The following HTR4 variants were observed in gnomAD, a reference collection of about 807,000 sequenced individuals.
The protein encoded by HTR4 is 5-hydroxytryptamine receptor 4.
In HTR4, 16 loss-of-function variants were observed where a neutral mutation model predicts 36.8. That is an observed-to-expected ratio of 0.43 (90% CI 0.29 to 0.66). The LOEUF is 0.66. Among genes scored for constraint, HTR4 ranks in the 30% least tolerant of loss-of-function variants. The pLI is 0.13. For missense variants in HTR4, 438 were observed against 490.9 expected (o/e 0.89, Z 1.02); for synonymous variants, 189 against 185.1 (o/e 1.02, Z -0.17).
intron 2 of HTR4, among the ~76,000 whole-genome samples, chr5:148,607,037 C>G (rs1007960295): frequency 1.3e-5 from 2 of 152,178 alleles, no homozygotes; most frequent in Non-Finnish European, 2.9e-5. Context: ...AAACCTTAAT[C>G]ATAATGGTGG....
intron 2 of HTR4, among the ~76,000 whole-genome samples, chr5:148,609,208 T>C (rs1023966150): frequency 5.9e-5 from 9 of 152,248 alleles, no homozygotes; most frequent in African/African-American, 2.2e-4. Context: ...ACAGCTAACC[T>C]ATTCTGAGAG....
chr5:148,470,277 C>T (rs907768180), intron 5 of HTR4, among the ~76,000 whole-genome samples: 1 of 152,284 alleles, frequency 6.6e-6, no homozygotes. Flanking sequence ...AGCATATTAA[C>T]ATATGCAGCT....
intron 4 of HTR4, among the ~76,000 whole-genome samples, chr5:148,529,448 G>T (rs958761309): frequency 5.8e-4 from 88 of 152,130 alleles, no homozygotes; most frequent in African/African-American, 1.9e-3. Flanking sequence ...TTTTATAAAG[G>T]GGAATTTCCC....
At chr5:148,466,382 C>T (rs1755429100) in intron 5 of HTR4, among the ~76,000 whole-genome samples, 1 of 152,220 alleles carries the variant, frequency 6.6e-6, no homozygotes, top group South Asian at 2.1e-4. Context: ...ACAAACAGCA[C>T]TTTCTGCTTC....
At chr5:148,645,910 C>T (rs930457144) in intron 1 of HTR4, 12 of 152,166 alleles carry the variant, frequency 7.9e-5, no homozygotes, top group African/African-American at 2.9e-4. Context: ...GAAGACTGAG[C>T]CTGAAAATGC....
intron 6 of HTR4, among the ~76,000 whole-genome samples, chr5:148,504,098 T>C (rs1204824259): frequency 6.6e-6 from 1 of 152,046 alleles, no homozygotes; most frequent in African/African-American, 2.4e-5. Context: ...GACAGAAAGT[T>C]AACAAGGATA....
At chr5:148,641,457 G>A (rs1039242481) in intron 1 of HTR4, among the ~76,000 whole-genome samples, 1 of 152,192 alleles carries the variant, frequency 6.6e-6, no homozygotes, top group Non-Finnish European at 1.5e-5. Flanking sequence ...GGCAAGTTCT[G>A]GAAAAGGGAT....
intron 2 of HTR4, among the ~76,000 whole-genome samples, chr5:148,572,069 C>G (rs977633492): frequency 8.6e-5 from 13 of 151,976 alleles, no homozygotes; most frequent in African/African-American, 3.1e-4. Context: ...TTGTGGTTAG[C>G]TTGAAAATAA....
intron 5 of HTR4, among the ~76,000 whole-genome samples, chr5:148,460,288 C>A (rs1484429418): frequency 6.6e-6 from 1 of 151,988 alleles, no homozygotes; most frequent in Non-Finnish European, 1.5e-5. Flanking sequence ...ACTATAGATC[C>A]AGGAAGCTCA....
chr5:148,595,352 T>C (rs1761727748), intron 2 of HTR4, among the ~76,000 whole-genome samples: 1 of 152,096 alleles, frequency 6.6e-6, no homozygotes, highest in Non-Finnish European at 1.5e-5. Context: ...CACTCTAGAA[T>C]GTGGTGTAGG....
intron 2 of HTR4, among the ~76,000 whole-genome samples, chr5:148,576,558 G>A (rs1191234566): frequency 2.0e-5 from 3 of 152,028 alleles, no homozygotes; most frequent in African/African-American, 7.2e-5. Context: ...CATGTTACCT[G>A]ACTTCAAACT....
chr5:148,617,305 G>T (rs1402116456), intron 2 of HTR4, among the ~76,000 whole-genome samples: 1 of 152,130 alleles, frequency 6.6e-6, no homozygotes, highest in Non-Finnish European at 1.5e-5. Flanking sequence ...GCACCCTGGG[G>T]TGCCAGGCAG....
chr5:148,505,223 C>A (rs537938027), intron 6 of HTR4, among the ~76,000 whole-genome samples: 30 of 152,218 alleles, frequency 2.0e-4, no homozygotes, highest in Non-Finnish European at 2.8e-4. Context: ...TCAACATATG[C>A]AAATCAATAA....
intron 2 of HTR4, among the ~76,000 whole-genome samples, chr5:148,600,976 C>CAAAAAAAA (rs58003522): frequency 0.044 from 594 of 13,616 alleles, 57 homozygotes; most frequent in Non-Finnish European, 0.052. Flanking sequence ...AACTCAATAG[C>CAAAAAAAA]AAAAAAAAAA....
intron 5 of HTR4, among the ~76,000 whole-genome samples, chr5:148,520,153 T>G (rs1308616342): frequency 6.6e-6 from 1 of 152,126 alleles, no homozygotes; most frequent in East Asian, 1.9e-4. Flanking sequence ...TGCAATGACT[T>G]TATAGAATTT....
chr5:148,563,883 T>A (rs1760322120), intron 2 of HTR4, among the ~76,000 whole-genome samples: 1 of 152,096 alleles, frequency 6.6e-6, no homozygotes. Flanking sequence ...CTGGGACAAA[T>A]CCCCTATGGA....
intron 1 of HTR4, among the ~76,000 whole-genome samples, chr5:148,640,561 C>T (rs1753699897): frequency 6.6e-6 from 1 of 152,180 alleles, no homozygotes; most frequent in African/African-American, 2.4e-5. Context: ...AGCCACAACA[C>T]AGGGAATGCC....
At chr5:148,562,567 G>A (rs1455244336) in intron 2 of HTR4, among the ~76,000 whole-genome samples, 2 of 151,992 alleles carry the variant, frequency 1.3e-5, no homozygotes, top group African/African-American at 4.8e-5. Flanking sequence ...CCTAGGAGAG[G>A]GCTTCCTTTC....
chr5:148,451,150 C>A (rs202071733), exon 6 of HTR4: 3 of 1,612,510 alleles, frequency 1.9e-6, no homozygotes, highest in African/African-American at 2.7e-5. Context: ...AACATGAATG[C>A]GAATGAATGG....
Sources: allele counts gnomAD v4.1 joint callset (sites outside exome capture counted in the v4.1 genomes callset), GRCh38; gene constraint gnomAD v4.1.1; transcripts MANE v1.5; gene names NCBI Gene and HGNC (gene_info 2026-07-23, HGNC 2026-07-21).